The following DERA variants were observed in gnomAD, a reference collection of about 807,000 sequenced individuals.
The protein encoded by DERA is 2-deoxy-D-ribose 5-phosphate aldolase.
DERA carries 15 observed loss-of-function variants against 41.1 expected under a neutral mutation model. That is an observed-to-expected ratio of 0.37 (90% CI 0.24 to 0.56). The LOEUF is 0.56. Ranked by LOEUF, DERA falls within the 20% of genes least tolerant of loss-of-function variation. The pLI, the probability that DERA is intolerant of heterozygous loss-of-function variation, is 0.81. For missense variants in DERA, 396 were observed against 403.4 expected (o/e 0.98, Z 0.16); for synonymous variants, 139 against 137.4 (o/e 1.01, Z -0.08).
intron 1 of DERA, among the ~76,000 whole-genome samples, chr12:15,929,108 A>T (rs2136129314): frequency 6.6e-6 from 1 of 152,290 alleles, no homozygotes; most frequent in South Asian, 2.1e-4. Context: ...GTGGAGCCCC[A>T]CTAGGGAGAA....
At chr12:15,919,793 A>G (rs1351126784) in intron 1 of DERA, among the ~76,000 whole-genome samples, 2 of 152,176 alleles carry the variant, frequency 1.3e-5, no homozygotes, top group Non-Finnish European at 2.9e-5. Flanking sequence ...AGCTGCTGGT[A>G]GTTATTTCCT....
In DERA at chr12:15,962,832, T is replaced by C. The variant is rs369236719; in HGVS notation, c.393T>C (p.Ala131=). ...PVASVAAGFP[A]GQTHLKTRLE... ...TATTAGTGGCCGCTGGATTTCCAGC[T>C]GGACAGACTCATTTGAAGACACGAT... Residue 131 remains alanine, a synonymous_variant, in exon 5 of 9, where the codon GCT becomes GCC. Transcript: ENST00000428559. 2 of 1,552,948 alleles carry C rather than the reference T, an allele frequency of 1.3e-6. No homozygotes were observed. The highest frequency in any genetic ancestry group is 1.4e-5 in the African/African-American group (1 of 73,526).
intron 6 of DERA, among the ~76,000 whole-genome samples, chr12:16,023,811 A>G (rs1414331134): frequency 6.6e-6 from 1 of 152,226 alleles, no homozygotes; most frequent in African/African-American, 2.4e-5. Context: ...AAGTATCAGA[A>G]TCAGATTCAG....
chr12:15,931,027 A>G lies in DERA; in HGVS notation c.31+19613A>G, dbSNP rs908787855. ...TTTCTTCTTTTTTTGAGAGCTTAAT[A>G]TACTTATTTAAATTTAAATGAAATA... is the stretch of plus-strand genomic sequence containing the variant. On this transcript the variant is annotated intron_variant, in intron 1 of 8. Coordinates refer to ENST00000428559, the MANE Select transcript of DERA (RefSeq NM_015954.4). This position sits in a 1 kb window ranked among gnomAD's most constrained non-coding sequence, Gnocchi z 4.6. 5.9e-5 allele frequency among the ~76,000 whole-genome samples: 9 copies of G among 152,194 alleles called. No individual in the cohort carries two copies. Among genetic ancestry groups the G allele is most frequent in the Non-Finnish European group, 1.3e-4 (9 of 68,028 alleles).
rs778363116 is a variant in DERA at position 15,982,335 on chromosome 12, G to T, written c.536G>T (p.Arg179Leu). Residue 179 changes from arginine (R) to leucine (L), a missense_variant, in exon 6 of 9, where the codon CGC becomes CTC. By Grantham distance (102) the Arg-to-Leu change is moderately radical. Transcript: ENST00000428559. This position sits in a 1 kb window ranked among gnomAD's most constrained non-coding sequence, Gnocchi z 4.0. ...CTGTATGATGAGATTCGTCAGTTTC[G>T]CAAGGCCTGTGGGGAGGCTCATCTT... ...EALYDEIRQF[R>L]KACGEAHLKT... 6.2e-7 allele frequency: 1 copy of T among 1,613,322 alleles called. No homozygotes were observed. Among genetic ancestry groups the T allele is most frequent in the Non-Finnish European group, 8.5e-7 (1 of 1,179,706 alleles).
chr12:15,943,983 G>A lies in DERA; in HGVS notation c.32-12953G>A, dbSNP rs928539231. On this transcript the variant is annotated intron_variant, in intron 1 of 8. Coordinates refer to ENST00000428559, the MANE Select transcript of DERA (RefSeq NM_015954.4). This position sits in a 1 kb window ranked among gnomAD's most constrained non-coding sequence, Gnocchi z 4.5. ...TATGAGTGAGAACATGCGGTGTTTG[G>A]TTTTTTGTCCTTGTGATAGTTTGCT... Among the ~76,000 whole-genome samples, 1 of 149,928 alleles carries A rather than the reference G, an allele frequency of 6.7e-6. No individual in the cohort carries two copies. The highest frequency in any genetic ancestry group is 6.7e-5 in the Admixed American group (1 of 14,830).
In DERA at chr12:15,911,897, G is replaced by C. The variant is rs1301846111; in HGVS notation, c.31+483G>C. The C allele has an allele frequency of 2.5e-6, 1 of 403,540 alleles. No homozygotes were observed. Among genetic ancestry groups the C allele is most frequent in the Non-Finnish European group, 4.9e-6 (1 of 203,660 alleles). 25.0% of individuals were successfully genotyped at this position (403,540 alleles called of 1,614,324 possible). A position where few individuals can be genotyped will look rare whatever the true frequency, so the allele number is the denominator to read the frequency against. ...GTTGTCAGCCGTCTGTGCTCAAAAT[G>C]TAACACTGCAGATTCATGGGATTTT... On this transcript the variant is annotated intron_variant, in intron 1 of 8. Coordinates refer to ENST00000428559, the MANE Select transcript of DERA (RefSeq NM_015954.4). The surrounding 1 kb of genome is among the most constrained non-coding windows in gnomAD (Gnocchi z 4.5).
intron 7 of DERA, among the ~76,000 whole-genome samples, chr12:16,034,860 CA>C (rs1949116612): frequency 6.6e-6 from 1 of 152,078 alleles, no homozygotes; most frequent in East Asian, 1.9e-4. Context: ...GCCTAATTGA[CA>C]AAAATGGTCC....
intron 6 of DERA, among the ~76,000 whole-genome samples, chr12:16,002,630 C>T (rs1425793794): frequency 2.0e-5 from 3 of 152,182 alleles, no homozygotes; most frequent in East Asian, 1.9e-4. Flanking sequence ...ATCCTCTCAG[C>T]AAATTCTAAG....
chr12:16,015,608 G>C (rs1233905447), intron 6 of DERA, among the ~76,000 whole-genome samples: 1 of 152,112 alleles, frequency 6.6e-6, no homozygotes, highest in Non-Finnish European at 1.5e-5. Context: ...TATGAAAACG[G>C]ACTAATACAA....
chr12:16,004,513 A>G lies in DERA; in HGVS notation c.637+22077A>G, dbSNP rs1018491360. On this transcript the variant is annotated intron_variant, in intron 6 of 8. Transcript: ENST00000428559. The surrounding 1 kb of genome is among the most constrained non-coding windows in gnomAD (Gnocchi z 4.2). ...TAGTACATTGAAAAAAATTAAAGCT[A>G]GTAAGGAAAAGAGGCATCCCAGTAC... 2.0e-5 allele frequency among the ~76,000 whole-genome samples: 3 copies of G among 152,204 alleles called. No homozygotes were observed. The highest frequency in any genetic ancestry group is 2.1e-4 in the South Asian group (1 of 4,830).
At chr12:15,923,247 C>G (rs978636711) in intron 1 of DERA, among the ~76,000 whole-genome samples, 1 of 151,768 alleles carries the variant, frequency 6.6e-6, no homozygotes, top group Non-Finnish European at 1.5e-5. Context: ...TGGTCTCGAT[C>G]TCCTGACCTC....
intron 1 of DERA, among the ~76,000 whole-genome samples, chr12:15,914,233 T>C (rs1948183471): frequency 6.6e-6 from 1 of 151,854 alleles, no homozygotes; most frequent in Non-Finnish European, 1.5e-5. Flanking sequence ...AATACAAAAA[T>C]TAGCTGGGCA....
chr12:16,023,522 GGCT>G (rs1949032403), intron 6 of DERA, among the ~76,000 whole-genome samples: 1 of 132,394 alleles, frequency 7.6e-6, no homozygotes, highest in Non-Finnish European at 1.5e-5. Context: ...CTGTCACCCA[GGCT>G]GGAGTGCAGT....
rs1366199831 is a variant in DERA at position 15,943,114 on chromosome 12, C to T, written c.32-13822C>T. 6.6e-6 allele frequency among the ~76,000 whole-genome samples: 1 copy of T among 152,202 alleles called. No homozygotes were observed. The highest frequency in any genetic ancestry group is 1.5e-5 in the Non-Finnish European group (1 of 68,040). ...ATCTGTAAACTCTTCCACACACTTACCTGAGGCTGTTTATGGGTAGTGAGC... is the reference window on the plus strand; with the variant it reads ...ATCTGTAAACTCTTCCACACACTTATCTGAGGCTGTTTATGGGTAGTGAGC... On this transcript the variant is annotated intron_variant, in intron 1 of 8. Coordinates refer to ENST00000428559, the MANE Select transcript of DERA (RefSeq NM_015954.4). This position sits in a 1 kb window ranked among gnomAD's most constrained non-coding sequence, Gnocchi z 4.5.
Position 16,011,175 on chromosome 12 carries a change from G to C in DERA, c.638-21367G>C, listed in dbSNP as rs73303387. Among the ~76,000 whole-genome samples, 2,699 of 152,234 alleles carry C rather than the reference G, an allele frequency of 0.018. 85 individuals carry two copies. The highest frequency in any genetic ancestry group is 0.062 in the African/African-American group (2,577 of 41,528). On this transcript the variant is annotated intron_variant, in intron 6 of 8. Transcript: ENST00000428559. The surrounding 1 kb of genome is among the most constrained non-coding windows in gnomAD (Gnocchi z 4.7). ...TATACTATATATTCCAAACTTGCTAGTGACAGTAGAAAGCACAATCAAAAG... is the reference window on the plus strand; with the variant it reads ...TATACTATATATTCCAAACTTGCTACTGACAGTAGAAAGCACAATCAAAAG...
rs570594240 is a variant in DERA, at chr12:15,944,078, T to A, written c.32-12858T>A. Among the ~76,000 whole-genome samples the A allele has an allele frequency of 1.2e-3, 175 of 152,132 alleles. 1 individual carries two copies. Among genetic ancestry groups the A allele is most frequent in the African/African-American group, 4.0e-3 (166 of 41,514 alleles). On this transcript the variant is annotated intron_variant, in intron 1 of 8. Transcript: ENST00000428559. ...TGAACTCATCCTTCTTTATGGCTGC[T>A]TAGTATTCCATGGTGTATATGTGCC...
intron 4 of DERA, among the ~76,000 whole-genome samples, chr12:15,961,033 A>T (rs1369295246): frequency 6.6e-6 from 1 of 152,218 alleles, no homozygotes. Context: ...TTCTGATGAT[A>T]GGGAAGACAC....
At chr12:16,028,305 C>A (rs966856313) in intron 6 of DERA, among the ~76,000 whole-genome samples, 1 of 152,142 alleles carries the variant, frequency 6.6e-6, no homozygotes, top group Non-Finnish European at 1.5e-5. Context: ...AAAGAGCTCC[C>A]AGTGGCCAAA....
Sources: gnomAD v4.1 joint callset for allele counts (sites outside exome capture counted in the v4.1 genomes callset) on GRCh38, gnomAD v4.1.1 for gene constraint, Gnocchi (gnomAD v3.1) non-coding constraint, MANE v1.5 for transcripts, NCBI Gene and HGNC (gene_info 2026-07-23, HGNC 2026-07-21) for gene names.